IRS2: variants seen among roughly 807,000 people sequenced by gnomAD.
The protein encoded by IRS2 is insulin receptor substrate 2.
Under a neutral mutation model 70.9 loss-of-function variants are expected in IRS2, and 28 were observed. The observed-to-expected ratio is 0.39, with a 90% CI of 0.29 to 0.54. The LOEUF (loss-of-function observed/expected upper bound fraction) is 0.54, where lower values mean the gene tolerates loss of function less well. Ranked by LOEUF, IRS2 falls within the 20% of genes least tolerant of loss-of-function variation. IRS2 has a pLI of 0.59. For missense variants in IRS2, 2,081 were observed against 2,024.1 expected (o/e 1.03, Z -0.54); for synonymous variants, 1,217 against 981.9 (o/e 1.24, Z -4.48).
chr13:109,752,815 G>A lies in IRS2; in HGVS notation c.*3489C>T, dbSNP rs1877013273. 6.6e-6 allele frequency: 1 copy of A among 152,188 alleles called. No homozygotes were observed. Among genetic ancestry groups the A allele is most frequent in the African/African-American group, 2.4e-5 (1 of 41,434 alleles). The allele number at this position is 152,188 out of a possible 1,614,324, so 9.4% of individuals were successfully genotyped here. A position where few individuals can be genotyped will look rare whatever the true frequency, so the allele number is the denominator to read the frequency against. On this transcript the variant is annotated 3_prime_UTR_variant, in exon 2 of 2. Transcript: ENST00000375856. ...TCAAGCAAGGAGGTAAAACTCTCCT[G>A]GATAAAAATTCACAGCATCAATTTT...
At position 109,755,829 on chromosome 13, in the gene IRS2, G is replaced by A. The variant is rs553647350; in HGVS notation, c.*475C>T. ...TGTGGGACCCCCGCCACGGAAATCC[G>A]GCTTTACCTTGAACTGAGGTAGGAC... On this transcript the variant is annotated 3_prime_UTR_variant, in exon 2 of 2. Transcript: ENST00000375856. 1.1e-3 allele frequency: 254 copies of A among 226,588 alleles called. No individual in the cohort carries two copies. Among genetic ancestry groups the A allele is most frequent in the Middle Eastern group, 5.7e-3 (4 of 700 alleles). 14.0% of individuals were successfully genotyped at this position (226,588 alleles called of 1,614,324 possible).
At chr13:109,767,080 G>GGAGGGAGGTTTGGAT (rs1267707083) in intron 1 of IRS2, among the ~76,000 whole-genome samples, 3 of 152,214 alleles carry the variant, frequency 2.0e-5, no homozygotes, top group Non-Finnish European at 2.9e-5. Context: ...TCAGGGACAT[G>GGAGGGAGGTTTGGAT]GAGGGAGGTT....
At chr13:109,778,364 G>C (rs908940443) in intron 1 of IRS2, among the ~76,000 whole-genome samples, 10 of 152,134 alleles carry the variant, frequency 6.6e-5, no homozygotes, top group African/African-American at 9.7e-5. Flanking sequence ...TTTTGTAAAG[G>C]TTTCTCTTTC....
In IRS2 at chr13:109,786,432, T is replaced by C. The variant is rs2138940709; in HGVS notation, c.-379A>G. 1 of 147,280 alleles carries C rather than the reference T, an allele frequency of 6.8e-6. No homozygotes were observed. Among genetic ancestry groups the C allele is most frequent in the African/African-American group, 2.5e-5 (1 of 40,768 alleles). The allele number at this position is 147,280 out of a possible 1,614,324, so 9.1% of individuals were successfully genotyped here. Reference sequence around the variant, plus strand: ...AAGGCGCGCGCGGCCGCACCGGGGCTGCTGCCGCCGCGTCGCGCTCCGGGA... The same window carrying C: ...AAGGCGCGCGCGGCCGCACCGGGGCCGCTGCCGCCGCGTCGCGCTCCGGGA... On this transcript the variant is annotated 5_prime_UTR_variant, in exon 1 of 2. Coordinates refer to ENST00000375856, the MANE Select transcript of IRS2 (RefSeq NM_003749.3). This position sits in a 1 kb window ranked among gnomAD's most constrained non-coding sequence, Gnocchi z 4.4.
At chr13:109,757,828 C>T (rs1462599786) in intron 1 of IRS2, among the ~76,000 whole-genome samples, 1 of 151,994 alleles carries the variant, frequency 6.6e-6, no homozygotes, top group Non-Finnish European at 1.5e-5. Context: ...ATTACAGGTA[C>T]GTGCCACCAT....
chr13:109,758,874 CGGAAGA>C (rs1181712113), intron 1 of IRS2, among the ~76,000 whole-genome samples: 25 of 108,896 alleles, frequency 2.3e-4, no homozygotes, highest in African/African-American at 5.8e-4. Context: ...GAAGGGCAAG[CGGAAGA>C]GGAAGAGGAA....
rs1437213700 is a variant in IRS2 at position 109,785,114 on chromosome 13, T to A, written c.940A>T (p.Thr314Ser). ...GCGCCGGGGACGCTGATGGGGTGCG[T>A]GGCCGACGACCCCGACGATTGGCTC... ...SKSQSSGSSA[T>S]HPISVPGARR... The change falls in exon 1 of 2, where the codon ACG (threonine) becomes TCG (serine). Residue 314 changes from threonine (T) to serine (S), a missense_variant. Thr to Ser is a moderately conservative substitution (Grantham distance 58, BLOSUM62 1). Coordinates refer to ENST00000375856, the MANE Select transcript of IRS2 (RefSeq NM_003749.3). The surrounding 1 kb of genome is among the most constrained non-coding windows in gnomAD (Gnocchi z 9.3). 5 of 1,592,012 alleles carry A rather than the reference T, an allele frequency of 3.1e-6. No homozygotes were observed. In the African/African-American group the frequency reaches 5.4e-5, roughly 17 times the overall value.
In IRS2 at chr13:109,782,303, G is replaced by C. The variant is rs758467455; in HGVS notation, c.3751C>G (p.Leu1251Val). 1.2e-6 allele frequency: 2 copies of C among 1,611,720 alleles called. No homozygotes were observed. Among genetic ancestry groups the C allele is most frequent in the Non-Finnish European group, 1.7e-6 (2 of 1,179,442 alleles). ...CTCACGTCGATGGCGATGTAGTTGA[G>C]ACCATTCTGGAAGCCGGCAGAGGTC... ...RETSAGFQNG[L>V]NYIAIDVREE... Residue 1251 changes from leucine (L) to valine (V), a missense_variant, in exon 1 of 2, where the codon CTC becomes GTC. By Grantham distance (32) the Leu-to-Val change is conservative (BLOSUM62 1). Around this residue, in one of 4 missense-constraint regions of IRS2, gnomAD observed 1,615 missense variants for 1,459.5 expected, o/e 1.11. Coordinates refer to ENST00000375856, the MANE Select transcript of IRS2 (RefSeq NM_003749.3).
chr13:109,768,320 A>T (rs1441925198), intron 1 of IRS2, among the ~76,000 whole-genome samples: 2 of 152,210 alleles, frequency 1.3e-5, no homozygotes, highest in Non-Finnish European at 1.5e-5. Context: ...GCAGGCTACA[A>T]ATAACTGCAC....
intron 1 of IRS2, among the ~76,000 whole-genome samples, chr13:109,780,292 T>C (rs1877667746): frequency 1.3e-5 from 2 of 152,252 alleles, no homozygotes; most frequent in African/African-American, 4.8e-5. Flanking sequence ...CTGCTGCTGC[T>C]GTGTTTATAA....
chr13:109,756,244 G>A lies in IRS2; in HGVS notation c.*60C>T, dbSNP rs372712417. On this transcript the variant is annotated 3_prime_UTR_variant, in exon 2 of 2. Transcript: ENST00000375856. ...GCTTCGGGCTGAAACAGTGCTGAGC[G>A]TCTTCTTTTAATGATACTCTCTGAC... is the stretch of plus-strand genomic sequence containing the variant. The A allele has an allele frequency of 2.3e-4, 324 of 1,405,764 alleles. No individual in the cohort carries two copies. In the African/African-American group the frequency reaches 3.5e-3, roughly 15 times the overall value. 87.1% of individuals were successfully genotyped at this position (1,405,764 alleles called of 1,614,324 possible). A position where few individuals can be genotyped will look rare whatever the true frequency, so the allele number is the denominator to read the frequency against.
chr13:109,783,026 C>T lies in IRS2; in HGVS notation c.3028G>A (p.Ala1010Thr), dbSNP rs752640940. 1.9e-4 allele frequency: 263 copies of T among 1,363,640 alleles called. 1 individual carries two copies. The South Asian group carries it at 4.3e-3, about 22-fold the overall frequency. The allele number at this position is 1,363,640 out of a possible 1,614,324, so 84.5% of individuals were successfully genotyped here. A position where few individuals can be genotyped will look rare whatever the true frequency, so the allele number is the denominator to read the frequency against. Residue 1010 changes from alanine to threonine, a missense_variant, in exon 1 of 2, where the codon GCC (alanine) becomes ACC (threonine). Coordinates refer to ENST00000375856, the MANE Select transcript of IRS2 (RefSeq NM_003749.3). ...GGCAACGGCGGATACGGGGAGGAGGCCTCGGGGGACAGGAGGCCGTCCAAG... is the reference window on the plus strand; with the variant it reads ...GGCAACGGCGGATACGGGGAGGAGGTCTCGGGGGACAGGAGGCCGTCCAAG... The part of the protein sequence containing the change: ...GSLDGLLSPE[A>T]SSPYPPLPPR...
rs752295410 is a variant in IRS2 at position 109,784,558 on chromosome 13, G to A, written c.1496C>T (p.Ser499Phe). The A allele has an allele frequency of 7.6e-6, 11 of 1,444,114 alleles. No homozygotes were observed. The highest frequency in any genetic ancestry group is 1.0e-5 in the Non-Finnish European group (11 of 1,104,944). The allele number at this position is 1,444,114 out of a possible 1,614,324, so 89.5% of individuals were successfully genotyped here. The change falls in exon 1 of 2, where the codon TCC becomes TTC. Residue 499 changes from serine to phenylalanine, a missense_variant. Coordinates refer to ENST00000375856, the MANE Select transcript of IRS2 (RefSeq NM_003749.3). This position sits in a 1 kb window ranked among gnomAD's most constrained non-coding sequence, Gnocchi z 5.2. ...TGGGCTGGAGCCGTACTCGTCCAGG[G>A]ACATGAAGCCGGGGTCGCTGGGGGA... The part of the protein sequence containing the change: ...SGSPSDPGFM[S>F]LDEYGSSPGD...
In IRS2 at chr13:109,783,073, G is replaced by T. The variant is rs1049519615; in HGVS notation, c.2981C>A (p.Pro994Gln). ...CAAGGAGCCCACGGGGTGGCCGCTC[G>T]GGGCGCCCGGCTTAGGAGACTTGGG... ...SSPKSPKPGA[P>Q]SGHPVGSLDG... The change falls in exon 1 of 2, where the codon CCG (proline) becomes CAG (glutamine). Residue 994 changes from proline (P) to glutamine (Q), a missense_variant. This residue lies in a region of IRS2 where 1,615 missense variants were observed against 1,459.5 expected (regional missense o/e 1.11). Coordinates refer to ENST00000375856, the MANE Select transcript of IRS2 (RefSeq NM_003749.3). 3 of 1,379,932 alleles carry T rather than the reference G, an allele frequency of 2.2e-6. No individual in the cohort carries two copies. In the East Asian group the frequency reaches 8.8e-5, roughly 40 times the overall value. 85.5% of individuals were successfully genotyped at this position (1,379,932 alleles called of 1,614,324 possible).
intron 1 of IRS2, among the ~76,000 whole-genome samples, chr13:109,758,300 C>G (rs1877150879): frequency 6.6e-6 from 1 of 152,150 alleles, no homozygotes; most frequent in African/African-American, 2.4e-5. Context: ...AACTGAGACT[C>G]TGCAAATCCA....
chr13:109,763,312 T>C (rs1877266508), intron 1 of IRS2, among the ~76,000 whole-genome samples: 1 of 152,240 alleles, frequency 6.6e-6, no homozygotes, highest in African/African-American at 2.4e-5. Context: ...TGCAATACTA[T>C]CTACTAAAAA....
chr13:109,783,338 C>G lies in IRS2; in HGVS notation c.2716G>C (p.Glu906Gln). The G allele has an allele frequency of 3.2e-6, 5 of 1,558,822 alleles. No homozygotes were observed. The highest frequency in any genetic ancestry group is 3.4e-6 in the Non-Finnish European group (4 of 1,161,674). Residue 906 changes from glutamate (E) to glutamine (Q), a missense_variant, in exon 1 of 2, where the codon GAG becomes CAG. Transcript: ENST00000375856. ...EGLPSLPSMH[E>Q]YPLPPEPKSP... ...TTGGGCTCCGGTGGCAGTGGGTACT[C>G]GTGCATGCTGGGCAGGCTGGGCAGC... is the stretch of plus-strand genomic sequence containing the variant.
At chr13:109,769,644 T>C (rs574069116) in intron 1 of IRS2, among the ~76,000 whole-genome samples, 2 of 152,332 alleles carry the variant, frequency 1.3e-5, no homozygotes, top group South Asian at 4.1e-4. Flanking sequence ...TAGTGCTTCA[T>C]CTCCTAAATG....
intron 1 of IRS2, among the ~76,000 whole-genome samples, chr13:109,763,020 C>T (rs1189426557): frequency 6.6e-6 from 1 of 152,170 alleles, no homozygotes; most frequent in African/African-American, 2.4e-5. Flanking sequence ...GCCGTGCTCA[C>T]GCATTTACAT....
Sources: allele counts gnomAD v4.1 joint callset (sites outside exome capture counted in the v4.1 genomes callset), GRCh38; gene constraint gnomAD v4.1.1; regional missense constraint gnomAD v4.1.1; non-coding constraint Gnocchi (gnomAD v3.1); transcripts MANE v1.5; gene names NCBI Gene and HGNC (gene_info 2026-07-23, HGNC 2026-07-21).